The following TRDN variants were observed in gnomAD, a reference collection of about 807,000 sequenced individuals.
TRDN encodes triadin in skeletal muscle.
TRDN carries 161 observed loss-of-function variants against 149.7 expected under a neutral mutation model. That is an observed-to-expected ratio of 1.08 (90% CI 0.95 to 1.23). The LOEUF (loss-of-function observed/expected upper bound fraction) is 1.23. TRDN is among the 50% of genes most tolerant of loss of function. The probability of loss-of-function intolerance (pLI) is 0.00; values close to 1 mark genes in which losing one functional copy is unlikely to be tolerated. For missense variants in TRDN, 896 were observed against 823.5 expected (o/e 1.09, Z -1.08); for synonymous variants, 294 against 250.5 (o/e 1.17, Z -1.64).
rs757478231 is a variant in TRDN at position 123,482,154 on chromosome 6, G to A, written c.853+15039C>T. On this transcript the variant is annotated intron_variant, in intron 9 of 40. Coordinates refer to ENST00000334268, the MANE Select transcript of TRDN (RefSeq NM_006073.4). ...AGAAATTCAAAGAGACATGAAAAGC[G>A]TAAAGCAGAGCTATACAGCCAATTA... 5.2e-4 allele frequency among the ~76,000 whole-genome samples: 79 copies of A among 152,250 alleles called. No individual in the cohort carries two copies. The Middle Eastern group carries it at 0.014, about 26-fold the overall frequency.
chr6:123,551,427 G>T (rs1370400017), intron 2 of TRDN, among the ~76,000 whole-genome samples: 3 of 150,380 alleles, frequency 2.0e-5, no homozygotes, highest in African/African-American at 7.4e-5. Flanking sequence ...CTGTCTTTCA[G>T]ACCTCACATC....
intron 12 of TRDN, among the ~76,000 whole-genome samples, chr6:123,418,014 AT>A (rs1342484685): frequency 6.6e-6 from 1 of 152,172 alleles, no homozygotes; most frequent in African/African-American, 2.4e-5. Context: ...CATTTTGCTT[AT>A]TTGGCTCTCA....
Position 123,595,345 on chromosome 6 carries a change from T to C in TRDN, c.23-24213A>G, listed in dbSNP as rs533358855. Among the ~76,000 whole-genome samples, 5 of 152,266 alleles carry C rather than the reference T, an allele frequency of 3.3e-5. No individual in the cohort carries two copies. The South Asian group carries it at 1.0e-3, about 32-fold the overall frequency. On this transcript the variant is annotated intron_variant, in intron 1 of 40. Coordinates refer to ENST00000334268, the MANE Select transcript of TRDN (RefSeq NM_006073.4). ...TTTTATATGACACTTTCTGCAGTCATATCCTTCTCAGACTGTACGATCTAA... is the reference window on the plus strand; with the variant it reads ...TTTTATATGACACTTTCTGCAGTCACATCCTTCTCAGACTGTACGATCTAA...
chr6:123,585,429 T>C (rs934884898), intron 1 of TRDN, among the ~76,000 whole-genome samples: 9 of 151,808 alleles, frequency 5.9e-5, no homozygotes. Flanking sequence ...AAGAAGGTAA[T>C]GTGGAGTGAG....
intron 20 of TRDN, among the ~76,000 whole-genome samples, chr6:123,362,761 A>G (rs933237017): frequency 1.3e-5 from 2 of 152,182 alleles, no homozygotes; most frequent in African/African-American, 4.8e-5. Flanking sequence ...GTAAAACTTC[A>G]GGCCAGCTTA....
intron 1 of TRDN, among the ~76,000 whole-genome samples, chr6:123,607,096 G>C (rs551088995): frequency 8.5e-5 from 13 of 152,062 alleles, no homozygotes; most frequent in African/African-American, 1.9e-4. Context: ...AGTCACAAGT[G>C]GTTCTCAAAA....
intron 35 of TRDN, 21 bp from the exon 36 acceptor site, chr6:123,255,923 CAG>C (rs1776540145): frequency 1.6e-6 from 2 of 1,242,400 alleles, no homozygotes; most frequent in Admixed American, 4.0e-5. Flanking sequence ...GAAACAGTAA[CAG>C]GGTAATTTAT....
At chr6:123,272,161 G>C (rs1241698783) in intron 29 of TRDN, among the ~76,000 whole-genome samples, 2 of 151,820 alleles carry the variant, frequency 1.3e-5, no homozygotes, top group Non-Finnish European at 2.9e-5. Context: ...ATTGTATACA[G>C]ATTTTCTGAA....
rs148560854 is a variant in TRDN at position 123,551,153 on chromosome 6, G to T, written c.233-2541C>A. Among the ~76,000 whole-genome samples the T allele has an allele frequency of 5.4e-4, 79 of 145,166 alleles. 1 individual carries two copies. In the East Asian group the frequency reaches 0.013, roughly 25 times the overall value. On this transcript the variant is annotated intron_variant, in intron 2 of 40. Transcript: ENST00000334268. Reference sequence around the variant, plus strand: ...CTTAACAATAAAATCCAACAAAATTGGGATCAGTTTAATTATCCTTATGCT... The same window carrying T: ...CTTAACAATAAAATCCAACAAAATTTGGATCAGTTTAATTATCCTTATGCT...
intron 33 of TRDN, among the ~76,000 whole-genome samples, chr6:123,263,894 C>A (rs1776852541): frequency 1.3e-5 from 2 of 151,994 alleles, no homozygotes; most frequent in African/African-American, 4.8e-5. Flanking sequence ...TAGATGACAG[C>A]ACATCTGTCT....
At chr6:123,599,076 A>G in intron 1 of TRDN, among the ~76,000 whole-genome samples, 1 of 152,216 alleles carries the variant, frequency 6.6e-6, no homozygotes, top group South Asian at 2.1e-4. Flanking sequence ...AGTACTTAGC[A>G]ATATGTCAGG....
intron 21 of TRDN, among the ~76,000 whole-genome samples, chr6:123,338,945 G>A (rs1160013834): frequency 2.6e-5 from 4 of 152,046 alleles, no homozygotes. Context: ...TTATAAATTG[G>A]GTGGAATTTC....
At chr6:123,600,696 G>A (rs985566801) in intron 1 of TRDN, among the ~76,000 whole-genome samples, 5 of 152,124 alleles carry the variant, frequency 3.3e-5, no homozygotes, top group African/African-American at 9.6e-5. Flanking sequence ...AATATTGACC[G>A]CTCTGGTTAT....
chr6:123,596,903 G>A (rs1054024107), intron 1 of TRDN, among the ~76,000 whole-genome samples: 13 of 152,084 alleles, frequency 8.5e-5, no homozygotes, highest in African/African-American at 3.1e-4. Context: ...CTCTGATAGA[G>A]ATGTTTAAGG....
At chr6:123,361,359 C>T (rs193141960) in intron 20 of TRDN, among the ~76,000 whole-genome samples, 1 of 152,132 alleles carries the variant, frequency 6.6e-6, no homozygotes, top group Admixed American at 6.5e-5. Context: ...ACATCACACA[C>T]TGGGGCCTGT....
At chr6:123,557,059 C>A (rs1488634073) in intron 2 of TRDN, among the ~76,000 whole-genome samples, 3 of 151,292 alleles carry the variant, frequency 2.0e-5, no homozygotes, top group Non-Finnish European at 2.9e-5. Flanking sequence ...GTGACCCCCC[C>A]ACCCCTGCCC....
chr6:123,361,129 C>T (rs780196525), intron 20 of TRDN, among the ~76,000 whole-genome samples: 6 of 152,128 alleles, frequency 3.9e-5, no homozygotes, highest in Non-Finnish European at 8.8e-5. Context: ...AACAGTATTT[C>T]TGGTTCTAGA....
intron 2 of TRDN, among the ~76,000 whole-genome samples, chr6:123,559,181 A>T (rs1420948124): frequency 6.6e-6 from 1 of 152,158 alleles, no homozygotes; most frequent in Non-Finnish European, 1.5e-5. Context: ...GTGGAGGGTG[A>T]GTCTGTCCCC....
chr6:123,517,001 A>G (rs142253250), intron 5 of TRDN, among the ~76,000 whole-genome samples: 57 of 152,268 alleles, frequency 3.7e-4, no homozygotes, highest in African/African-American at 1.3e-3. Context: ...ATATAGAAAG[A>G]ACACTTGCTA....
Sources: allele counts gnomAD v4.1 joint callset (sites outside exome capture counted in the v4.1 genomes callset), GRCh38; gene constraint gnomAD v4.1.1; transcripts MANE v1.5; gene names NCBI Gene and HGNC (gene_info 2026-07-23, HGNC 2026-07-21).